The following KLF1 variants were observed in gnomAD, a reference collection of about 807,000 sequenced individuals.
KLF1 encodes the protein KLF transcription factor 1.
KLF1 carries 29 observed loss-of-function variants against 28.0 expected under a neutral mutation model. The ratio of observed to expected loss-of-function variants is 1.04; its 90% confidence interval spans 0.77 to 1.41. The LOEUF (loss-of-function observed/expected upper bound fraction) is 1.41, where lower values mean the gene tolerates loss of function less well. Ranked by LOEUF, KLF1 falls within the 40% of genes most tolerant of loss-of-function variation. The pLI is 0.00. For synonymous variants in KLF1, 262 were observed against 242.6 expected, an observed-to-expected ratio of 1.08 and a Z score of -0.74; for missense variants, 508 against 515.1, an observed-to-expected ratio of 0.99 and a Z score of 0.13.
Position 12,885,200 on chromosome 19 carries a change from G to C in KLF1, c.913+117C>G, listed in dbSNP as rs940870719. The C allele has an allele frequency of 9.7e-6, 13 of 1,337,772 alleles. No individual in the cohort carries two copies. The highest frequency in any genetic ancestry group is 1.3e-5 in the Non-Finnish European group (13 of 971,058). 82.9% of individuals were successfully genotyped at this position (1,337,772 alleles called of 1,614,324 possible). A position where few individuals can be genotyped will look rare whatever the true frequency, so the allele number is the denominator to read the frequency against. On this transcript the variant is annotated intron_variant, in intron 2 of 2. Coordinates refer to ENST00000264834, the MANE Select transcript of KLF1 (RefSeq NM_006563.5). The surrounding 1 kb of genome is among the most constrained non-coding windows in gnomAD (Gnocchi z 5.6). Reference sequence around the variant, plus strand: ...AGGCCCCTAGGGCACAAAATTTAAGGAGGCACTCACTCTCAGAGGCCAGCC... The same window carrying C: ...AGGCCCCTAGGGCACAAAATTTAAGCAGGCACTCACTCTCAGAGGCCAGCC...
Position 12,885,787 on chromosome 19 carries a change from A to C in KLF1, c.443T>G (p.Phe148Cys), listed in dbSNP as rs887902700. The change falls in exon 2 of 3, where the codon TTC becomes TGC. Residue 148 changes from phenylalanine to cysteine, a missense_variant. Transcript: ENST00000264834. The surrounding 1 kb of genome is among the most constrained non-coding windows in gnomAD (Gnocchi z 5.6). ...PALRARAPDA[F>C]VGPALAPAPA... ...GGCTGGAGCCAGGGCTGGGCCCACG[A>C]AGGCGTCGGGAGCCCGGGCTCGCAG... 3.9e-6 allele frequency: 6 copies of C among 1,542,322 alleles called. No homozygotes were observed. In the Admixed American group the frequency reaches 5.9e-5, roughly 15 times the overall value.
At position 12,884,887 on chromosome 19, in the gene KLF1, AAAG is replaced by A. The variant is rs754465810; in HGVS notation, c.1084_1086del (p.Leu362del). On this transcript the variant is annotated inframe_deletion, in exon 3 of 3. Transcript: ENST00000264834. ...GAGTCCAAGTGCCAGGGCAGGGCTC[AAAG>A]GTGGCGCTTCATGTGCAAGGCCAGG... 2 of 1,613,850 alleles carry A rather than the reference AAAG, an allele frequency of 1.2e-6. No homozygotes were observed. Among genetic ancestry groups the A allele is most frequent in the East Asian group, 4.5e-5 (2 of 44,890 alleles).
chr19:12,884,736 TG>T lies in KLF1; in HGVS notation c.*148del. 1 of 831,286 alleles carries T rather than the reference TG, an allele frequency of 1.2e-6. No homozygotes were observed. The highest frequency in any genetic ancestry group is 1.9e-6 in the Non-Finnish European group (1 of 514,910). 51.5% of individuals were successfully genotyped at this position (831,286 alleles called of 1,614,324 possible). On this transcript the variant is annotated 3_prime_UTR_variant, in exon 3 of 3. Transcript: ENST00000264834. Reference sequence around the variant, plus strand: ...TATGGGTCCGTGTTTGATATTTGGGTGGATCTTTGGGAACGCGAGTCCAGGA... The same window carrying T: ...TATGGGTCCGTGTTTGATATTTGGGTGATCTTTGGGAACGCGAGTCCAGGA...
Position 12,885,047 on chromosome 19 carries a change from G to T in KLF1, c.927C>A (p.Tyr309Ter). Reference sequence around the variant, plus strand: ...AGCCGCAGCCTTCCCACGTGCAGGCGTATGGCTTCTCCCCTAGGGGACAAG... The same window carrying T: ...AGCCGCAGCCTTCCCACGTGCAGGCTTATGGCTTCTCCCCTAGGGGACAAG... ...HLRTHTGEKP[Y>*]ACTWEGCGWR... The change falls in exon 3 of 3, where the codon TAC becomes TAA. Residue 309 changes from tyrosine (Y) to a stop codon, truncating the protein, a stop_gained. Transcript: ENST00000264834. LOFTEE classifies it high-confidence loss of function. This position sits in a 1 kb window ranked among gnomAD's most constrained non-coding sequence, Gnocchi z 5.6. 6.2e-7 allele frequency: 1 copy of T among 1,606,344 alleles called. No individual in the cohort carries two copies.
Position 12,885,416 on chromosome 19 carries a change from C to G in KLF1, c.814G>C (p.Ala272Pro), listed in dbSNP as rs540601454. The change falls in exon 2 of 3, where the codon GCG (alanine) becomes CCG (proline). Residue 272 changes from alanine to proline, a missense_variant. By Grantham distance (27) the Ala-to-Pro change is conservative. Transcript: ENST00000264834. The surrounding 1 kb of genome is among the most constrained non-coding windows in gnomAD (Gnocchi z 5.6). ...APSKRGRRSW[A>P]RKRQAAHTCA... ...GTGTGCGCTGCCTGCCTCTTGCGCG[C>G]CCACGAACGTCGGCCTCGCTTGGAT... The G allele has an allele frequency of 6.2e-7, 1 of 1,606,302 alleles. No individual in the cohort carries two copies. The highest frequency in any genetic ancestry group is 8.5e-7 in the Non-Finnish European group (1 of 1,176,874).
Position 12,885,922 on chromosome 19 carries a change from C to T in KLF1, c.308G>A (p.Gly103Glu). 6.4e-7 allele frequency: 1 copy of T among 1,552,580 alleles called. No individual in the cohort carries two copies. Among genetic ancestry groups the T allele is most frequent in the Non-Finnish European group, 8.7e-7 (1 of 1,148,172 alleles). Residue 103 changes from glycine to glutamate, a missense_variant, in exon 2 of 3, where the codon GGG (glycine) becomes GAG (glutamate). Coordinates refer to ENST00000264834, the MANE Select transcript of KLF1 (RefSeq NM_006563.5). This position sits in a 1 kb window ranked among gnomAD's most constrained non-coding sequence, Gnocchi z 5.6. ...TCALAPSEASGAQYPPPPETL... is the reference protein window; with the variant it reads ...TCALAPSEASEAQYPPPPETL... The stretch of plus-strand genomic sequence containing the variant: ...CTCGGGCGGCGGCGGATATTGCGCC[C>T]CGGAGGCCTCGCTGGGCGCCAGAGC...
rs750181381 is a variant in KLF1 at position 12,885,899 on chromosome 19, C to T, written c.331G>A (p.Glu111Lys). The T allele has an allele frequency of 9.7e-6, 15 of 1,551,376 alleles. No individual in the cohort carries two copies. In the South Asian group the frequency reaches 1.8e-4, roughly 18 times the overall value. Residue 111 changes from glutamate to lysine, a missense_variant, in exon 2 of 3, where the codon GAG becomes AAG. Physicochemically the swap from Glu to Lys is moderately conservative, Grantham distance 56 (BLOSUM62 1). Coordinates refer to ENST00000264834, the MANE Select transcript of KLF1 (RefSeq NM_006563.5). This position sits in a 1 kb window ranked among gnomAD's most constrained non-coding sequence, Gnocchi z 5.6. ...ASGAQYPPPP[E>K]TLGAYAGGPG... ...CCGCCAGCATATGCGCCCAGAGTCT[C>T]GGGCGGCGGCGGATATTGCGCCCCG...
In KLF1 at chr19:12,885,058, C is replaced by A; in HGVS notation, c.916G>T (p.Glu306Ter). ...LKAHLRTHTG[E>*]KPYACTWEGC... The stretch of plus-strand genomic sequence containing the variant: ...TCCCACGTGCAGGCGTATGGCTTCT[C>A]CCCTAGGGGACAAGGAAGCCATAAG... Residue 306 changes from glutamate (E) to a stop codon, truncating the protein, a stop_gained and splice_region_variant, in exon 3 of 3, where the codon GAG becomes TAG. Transcript: ENST00000264834. LOFTEE classifies it high-confidence loss of function. The surrounding 1 kb of genome is among the most constrained non-coding windows in gnomAD (Gnocchi z 5.6). The A allele has an allele frequency of 6.2e-7, 1 of 1,604,742 alleles. No homozygotes were observed. The highest frequency in any genetic ancestry group is 8.5e-7 in the Non-Finnish European group (1 of 1,179,912).
Position 12,885,472 on chromosome 19 carries a change from T to C in KLF1, c.758A>G (p.Glu253Gly). ...TVGTGLGGTA[E>G]DPGVIAETAP... The stretch of plus-strand genomic sequence containing the variant: ...GGTCTCGGCTATCACACCTGGATCC[T>C]CTGCAGTCCCCCCGAGTCCAGTGCC... Residue 253 changes from glutamate (E) to glycine (G), a missense_variant, in exon 2 of 3, where the codon GAG becomes GGG. Transcript: ENST00000264834. The surrounding 1 kb of genome is among the most constrained non-coding windows in gnomAD (Gnocchi z 5.6). 3 of 1,603,794 alleles carry C rather than the reference T, an allele frequency of 1.9e-6. No individual in the cohort carries two copies. The highest frequency in any genetic ancestry group is 1.7e-6 in the Non-Finnish European group (2 of 1,175,976).
chr19:12,885,080 T>C lies in KLF1; in HGVS notation c.914-20A>G. On this transcript the variant is annotated intron_variant, in intron 2 of 2. Transcript: ENST00000264834. The surrounding 1 kb of genome is among the most constrained non-coding windows in gnomAD (Gnocchi z 5.6). Reference sequence around the variant, plus strand: ...TCTCCCCTAGGGGACAAGGAAGCCATAAGCGCCACTGTCTGCCCAGTCATG... The same window carrying C: ...TCTCCCCTAGGGGACAAGGAAGCCACAAGCGCCACTGTCTGCCCAGTCATG... The C allele has an allele frequency of 1.2e-6, 2 of 1,601,274 alleles. No individual in the cohort carries two copies. Among genetic ancestry groups the C allele is most frequent in the Non-Finnish European group, 1.7e-6 (2 of 1,179,508 alleles).
Position 12,885,088 on chromosome 19 carries a change from A to G in KLF1, c.914-28T>C. 1 of 1,600,138 alleles carries G rather than the reference A, an allele frequency of 6.2e-7. No homozygotes were observed. Among genetic ancestry groups the G allele is most frequent in the Non-Finnish European group, 8.5e-7 (1 of 1,179,070 alleles). On this transcript the variant is annotated intron_variant, in intron 2 of 2. Transcript: ENST00000264834. This position sits in a 1 kb window ranked among gnomAD's most constrained non-coding sequence, Gnocchi z 5.6. ...AGGGGACAAGGAAGCCATAAGCGCC[A>G]CTGTCTGCCCAGTCATGTCCCCGGG...
Position 12,885,333 on chromosome 19 carries a change from A to G in KLF1, c.897T>C (p.His299=). Residue 299 remains histidine (H), a synonymous_variant, in exon 2 of 3, where the codon CAT becomes CAC. Coordinates refer to ENST00000264834, the MANE Select transcript of KLF1 (RefSeq NM_006563.5). This position sits in a 1 kb window ranked among gnomAD's most constrained non-coding sequence, Gnocchi z 5.6. ...SYTKSSHLKA[H]LRTHTGEKPY... Reference sequence around the variant, plus strand: ...CCCCCTCACCTGTGTGCGTGCGCAGATGCGCCTTCAGGTGGGAGCTCTTGG... The same window carrying G: ...CCCCCTCACCTGTGTGCGTGCGCAGGTGCGCCTTCAGGTGGGAGCTCTTGG... 6.3e-7 allele frequency: 1 copy of G among 1,593,776 alleles called. No individual in the cohort carries two copies.
chr19:12,885,364 C>T lies in KLF1; in HGVS notation c.866G>A (p.Ser289Asn), dbSNP rs1339655310. 28 of 1,604,398 alleles carry T rather than the reference C, an allele frequency of 1.7e-5. No individual in the cohort carries two copies. Among genetic ancestry groups the T allele is most frequent in the South Asian group, 3.3e-5 (3 of 89,646 alleles). ...CTTCAGGTGGGAGCTCTTGGTGTAG[C>T]TCTTGCCGCAACCCGGGTGCGCGCA... is the stretch of plus-strand genomic sequence containing the variant. ...HTCAHPGCGK[S>N]YTKSSHLKAH... Residue 289 changes from serine to asparagine, a missense_variant, in exon 2 of 3, where the codon AGC becomes AAC. Physicochemically the swap from Ser to Asn is conservative, Grantham distance 46 (BLOSUM62 1). Transcript: ENST00000264834. This position sits in a 1 kb window ranked among gnomAD's most constrained non-coding sequence, Gnocchi z 5.6.
At position 12,885,296 on chromosome 19, in the gene KLF1, T is replaced by C. The variant is rs1275554406; in HGVS notation, c.913+21A>G. On this transcript the variant is annotated intron_variant, in intron 2 of 2. Coordinates refer to ENST00000264834, the MANE Select transcript of KLF1 (RefSeq NM_006563.5). The surrounding 1 kb of genome is among the most constrained non-coding windows in gnomAD (Gnocchi z 5.6). ...AGCGGGCGCCGCGCCCTTTCTCATG[T>C]CCGGGGCCCCGCCCCCTCACCTGTG... is the stretch of plus-strand genomic sequence containing the variant. 1.3e-6 allele frequency: 2 copies of C among 1,555,598 alleles called. No individual in the cohort carries two copies. Among genetic ancestry groups the C allele is most frequent in the South Asian group, 1.2e-5 (1 of 85,618 alleles).
In KLF1 at chr19:12,885,696, C is replaced by G. The variant is rs1433045365; in HGVS notation, c.534G>C (p.Ser178=). Residue 178 remains serine (S), a synonymous_variant, in exon 2 of 3, where the codon TCG becomes TCC. Coordinates refer to ENST00000264834, the MANE Select transcript of KLF1 (RefSeq NM_006563.5). The surrounding 1 kb of genome is among the most constrained non-coding windows in gnomAD (Gnocchi z 5.6). ...GCCCGGTCCGCGGGAAGTAGCCACC[C>G]GAGGAGCCGGCGCCGGGCCCCGGGT... ...PVYPGPGAGS[S]GGYFPRTGLS... 6.5e-7 allele frequency: 1 copy of G among 1,529,452 alleles called. No individual in the cohort carries two copies. Among genetic ancestry groups the G allele is most frequent in the Non-Finnish European group, 8.8e-7 (1 of 1,137,408 alleles). The allele number at this position is 1,529,452 out of a possible 1,614,324, so 94.7% of individuals were successfully genotyped here. A position where few individuals can be genotyped will look rare whatever the true frequency, so the allele number is the denominator to read the frequency against.
Position 12,885,330 on chromosome 19 carries a change from C to G in KLF1, c.900G>C (p.Leu300=), listed in dbSNP as rs1231171345. The change falls in exon 2 of 3, where the codon CTG becomes CTC. Residue 300 remains leucine (L), a synonymous_variant. Transcript: ENST00000264834. This position sits in a 1 kb window ranked among gnomAD's most constrained non-coding sequence, Gnocchi z 5.6. ...CCGCCCCCTCACCTGTGTGCGTGCG[C>G]AGATGCGCCTTCAGGTGGGAGCTCT... ...YTKSSHLKAH[L]RTHTGEKPYA... is the part of the protein sequence containing the mutation. The G allele has an allele frequency of 1.3e-6, 2 of 1,591,424 alleles. No homozygotes were observed. The highest frequency in any genetic ancestry group is 1.7e-6 in the Non-Finnish European group (2 of 1,168,942).
At position 12,884,518 on chromosome 19, in the gene KLF1, G is replaced by C. The variant is rs375799978; in HGVS notation, c.*367C>G. 3.3e-4 allele frequency: 92 copies of C among 276,180 alleles called. No homozygotes were observed. Among genetic ancestry groups the C allele is most frequent in the African/African-American group, 1.7e-3 (78 of 45,294 alleles). 17.1% of individuals were successfully genotyped at this position (276,180 alleles called of 1,614,324 possible). ...TCAGGAGCCGCTTTCTAGACCCAGG[G>C]TCTCTGGGAAGCCTCATCCCACACC... On this transcript the variant is annotated 3_prime_UTR_variant, in exon 3 of 3. Transcript: ENST00000264834.
chr19:12,887,195 G>T lies in KLF1; in HGVS notation c.-55C>A. 1 of 1,569,832 alleles carries T rather than the reference G, an allele frequency of 6.4e-7. No individual in the cohort carries two copies. The highest frequency in any genetic ancestry group is 1.1e-5 in the South Asian group (1 of 89,902). ...GCCTCCTCTTCCTCGGCTGCCTCGTGAACTCTGAGGCTGTGATAGCCCCTT... is the reference window on the plus strand; with the variant it reads ...GCCTCCTCTTCCTCGGCTGCCTCGTTAACTCTGAGGCTGTGATAGCCCCTT... On this transcript the variant is annotated 5_prime_UTR_variant, in exon 1 of 3. Coordinates refer to ENST00000264834, the MANE Select transcript of KLF1 (RefSeq NM_006563.5). The surrounding 1 kb of genome is among the most constrained non-coding windows in gnomAD (Gnocchi z 4.7).
Position 12,884,955 on chromosome 19 carries a change from C to T in KLF1, c.1019G>A (p.Arg340His), listed in dbSNP as rs760145920. The T allele has an allele frequency of 2.0e-5, 32 of 1,613,742 alleles. No homozygotes were observed. The highest frequency in any genetic ancestry group is 1.0e-4 in the Admixed American group (6 of 60,028). ...YRKHTGQRPF[R>H]CQLCPRAFSR... ...AAAAGCACGTGGGCAGAGCTGGCAG[C>T]GGAAGGGGCGCTGCCCCGTGTGTTT... The change falls in exon 3 of 3, where the codon CGC becomes CAC. Residue 340 changes from arginine to histidine, a missense_variant. Coordinates refer to ENST00000264834, the MANE Select transcript of KLF1 (RefSeq NM_006563.5).
Sources: allele counts gnomAD v4.1 joint callset, GRCh38; gene constraint gnomAD v4.1.1; non-coding constraint Gnocchi (gnomAD v3.1); transcripts MANE v1.5; gene names NCBI Gene and HGNC (gene_info 2026-07-23, HGNC 2026-07-21).